SPDYE5: variants seen among roughly 807,000 people sequenced by gnomAD.
The protein encoded by SPDYE5 is speedy protein E5.
Under a neutral mutation model 48.5 loss-of-function variants are expected in SPDYE5, and 15 were observed. That is an observed-to-expected ratio of 0.31 (90% CI 0.21 to 0.48). The LOEUF is 0.48. SPDYE5 is among the 20% of genes least tolerant of loss of function. The pLI is 0.99. For synonymous variants in SPDYE5, 116 were observed against 200.7 expected, an observed-to-expected ratio of 0.58 and a Z score of 3.57; for missense variants, 331 against 549.1, an observed-to-expected ratio of 0.60 and a Z score of 3.97.
In SPDYE5 at chr7:75,496,735, G is replaced by A. The variant is rs1792947462; in HGVS notation, c.441G>A (p.Trp147Ter). Residue 147 changes from tryptophan (W) to a stop codon, truncating the protein, a stop_gained, in exon 4 of 9, where the codon TGG becomes TGA. Coordinates refer to ENST00000625065, the MANE Select transcript of SPDYE5 (RefSeq NM_001306141.4). LOFTEE classifies it high-confidence loss of function. The part of the protein sequence containing the change: ...RSFCWKRKME[W>*]WDESEESLEE... ...TTTGCTGGAAAAGGAAGATGGAGTG[G>A]TGGGACGAATCTGAGGAGTCGTTGG... is the stretch of plus-strand genomic sequence containing the variant. 1 of 1,592,338 alleles carries A rather than the reference G, an allele frequency of 6.3e-7. No homozygotes were observed. Among genetic ancestry groups the A allele is most frequent in the African/African-American group, 1.3e-5 (1 of 74,530 alleles).
intron 5 of SPDYE5, among the ~76,000 whole-genome samples, chr7:75,498,447 G>A (rs1203467381): frequency 6.6e-6 from 1 of 151,442 alleles, no homozygotes; most frequent in Admixed American, 6.6e-5. Context: ...TTGAGTCTTG[G>A]CACCCACAAA....
In SPDYE5 at chr7:75,503,193, G is replaced by A. The variant is rs372092652; in HGVS notation, c.*406G>A. ...TACCACAGTCCAGAAGCATTTGAAG[G>A]CACAATGCAGGGGCTCAGATTGGCA... On this transcript the variant is annotated 3_prime_UTR_variant, in exon 9 of 9. Transcript: ENST00000625065. The A allele has an allele frequency of 4.8e-5, 18 of 371,290 alleles. No homozygotes were observed. Among genetic ancestry groups the A allele is most frequent in the East Asian group, 2.3e-4 (3 of 13,076 alleles). 23.0% of individuals were successfully genotyped at this position (371,290 alleles called of 1,614,324 possible). A position where few individuals can be genotyped will look rare whatever the true frequency, so the allele number is the denominator to read the frequency against.
Position 75,501,438 on chromosome 7 carries a change from C to A in SPDYE5, c.832C>A (p.Arg278Ser). 9 of 1,610,832 alleles carry A rather than the reference C, an allele frequency of 5.6e-6. No individual in the cohort carries two copies. Among genetic ancestry groups the A allele is most frequent in the Non-Finnish European group, 7.6e-6 (9 of 1,178,942 alleles). Residue 278 changes from arginine to serine, a missense_variant, in exon 7 of 9, where the codon CGC (arginine) becomes AGC (serine). Arg to Ser is a moderately radical substitution (Grantham distance 110). This residue lies in a region of SPDYE5 where 70 missense variants were observed against 87.6 expected (regional missense o/e 0.80). Transcript: ENST00000625065. ...NIFHFLYGKN[R>S]SRIPLLRKRW... is the part of the protein sequence containing the mutation. Reference sequence around the variant, plus strand: ...CTTCCACTTCCTGTATGGGAAGAACCGCTCTCGCATACCCTTGCTCCGTAA... The same window carrying A: ...CTTCCACTTCCTGTATGGGAAGAACAGCTCTCGCATACCCTTGCTCCGTAA...
chr7:75,499,505 G>A lies in SPDYE5; in HGVS notation c.755+189G>A, dbSNP rs1287446100. ...ACTCAGGCTGGGCACAGTGGCATAC[G>A]CCTGTAATCCCAGCACTTTGGGAGG... is the stretch of plus-strand genomic sequence containing the variant. On this transcript the variant is annotated intron_variant, in intron 6 of 8. Coordinates refer to ENST00000625065, the MANE Select transcript of SPDYE5 (RefSeq NM_001306141.4). Among the ~76,000 whole-genome samples the A allele has an allele frequency of 2.6e-5, 4 of 151,848 alleles. No individual in the cohort carries two copies. In the South Asian group the frequency reaches 6.2e-4, roughly 24 times the overall value.
At chr7:75,500,862 C>T (rs1242331802) in intron 6 of SPDYE5, among the ~76,000 whole-genome samples, 11 of 151,970 alleles carry the variant, frequency 7.2e-5, no homozygotes, top group African/African-American at 1.9e-4. Flanking sequence ...GGTGTGCCAC[C>T]GCACCAGGCT....
At chr7:75,495,856 A>G (rs1403589814) in intron 3 of SPDYE5, among the ~76,000 whole-genome samples, 2 of 152,080 alleles carry the variant, frequency 1.3e-5, no homozygotes, top group African/African-American at 4.8e-5. Context: ...CCAGACCAAT[A>G]TAGCGAAACC....
intron 2 of SPDYE5, among the ~76,000 whole-genome samples, chr7:75,494,611 G>C (rs1475650627): frequency 2.0e-5 from 3 of 151,796 alleles, no homozygotes; most frequent in Non-Finnish European, 4.4e-5. Flanking sequence ...TTCAGGCTGG[G>C]TGTGGTGGCT....
At chr7:75,500,831 C>T (rs1256355178) in intron 6 of SPDYE5, among the ~76,000 whole-genome samples, 3 of 152,206 alleles carry the variant, frequency 2.0e-5, no homozygotes, top group African/African-American at 7.2e-5. Context: ...GCTTCAGCCT[C>T]CTGAGTAGCT....
chr7:75,492,798 CA>C (rs57180039), intron 1 of SPDYE5, among the ~76,000 whole-genome samples: 11,405 of 151,384 alleles, frequency 0.075, 1,418 homozygotes, highest in African/African-American at 0.26. Context: ...TATTTTTTAT[CA>C]AAAAAAATTT....
Position 75,504,130 on chromosome 7 carries a change from A to G in SPDYE5, c.*1343A>G, listed in dbSNP as rs1315329823. ...AATAAATTTTTATTTGATATTTCAT[A>G]TATGTTTGAAATGTGAGAATTCAGG... On this transcript the variant is annotated 3_prime_UTR_variant, in exon 9 of 9. Coordinates refer to ENST00000625065, the MANE Select transcript of SPDYE5 (RefSeq NM_001306141.4). 4.6e-5 allele frequency: 7 copies of G among 152,150 alleles called. No homozygotes were observed. The highest frequency in any genetic ancestry group is 1.7e-4 in the African/African-American group (7 of 41,438). The allele number at this position is 152,150 out of a possible 1,614,324, so 9.4% of individuals were successfully genotyped here. A position where few individuals can be genotyped will look rare whatever the true frequency, so the allele number is the denominator to read the frequency against.
chr7:75,493,922 C>A lies in SPDYE5; in HGVS notation c.-126C>A. The A allele has an allele frequency of 2.0e-6, 3 of 1,486,732 alleles. No individual in the cohort carries two copies. In the South Asian group the frequency reaches 3.9e-5, roughly 19 times the overall value. 92.1% of individuals were successfully genotyped at this position (1,486,732 alleles called of 1,614,324 possible). A position where few individuals can be genotyped will look rare whatever the true frequency, so the allele number is the denominator to read the frequency against. On this transcript the variant is annotated 5_prime_UTR_variant, in exon 2 of 9. Coordinates refer to ENST00000625065, the MANE Select transcript of SPDYE5 (RefSeq NM_001306141.4). ...CCATCCTGATTGGAGGGACCGGACT[C>A]CGTGGTGCCTGGAGATCAGTTGGAC... is the stretch of plus-strand genomic sequence containing the variant.
At position 75,503,173 on chromosome 7, in the gene SPDYE5, C is replaced by G. The variant is rs1243833221; in HGVS notation, c.*386C>G. On this transcript the variant is annotated 3_prime_UTR_variant, in exon 9 of 9. Transcript: ENST00000625065. ...CTGTTTCTTATGGACTTGGTTACCACAGTCCAGAAGCATTTGAAGGCACAA... is the reference window on the plus strand; with the variant it reads ...CTGTTTCTTATGGACTTGGTTACCAGAGTCCAGAAGCATTTGAAGGCACAA... The G allele has an allele frequency of 2.4e-6, 1 of 411,130 alleles. No individual in the cohort carries two copies. The highest frequency in any genetic ancestry group is 2.1e-5 in the African/African-American group (1 of 48,578). 25.5% of individuals were successfully genotyped at this position (411,130 alleles called of 1,614,324 possible).
At chr7:75,500,999 C>T (rs1449017611) in intron 6 of SPDYE5, among the ~76,000 whole-genome samples, 3 of 152,184 alleles carry the variant, frequency 2.0e-5, no homozygotes, top group Admixed American at 6.5e-5. Flanking sequence ...TGAGCCACCG[C>T]GTCTGGCATA....
rs1198441291 is a variant in SPDYE5 at position 75,503,097 on chromosome 7, C to A, written c.*310C>A. ...TCCACCCTTTCCTGCAGCACCACCA[C>A]CCTTTCTATATTGCTGAATTCCAAC... On this transcript the variant is annotated 3_prime_UTR_variant, in exon 9 of 9. Transcript: ENST00000625065. 1.2e-4 allele frequency: 60 copies of A among 521,616 alleles called. No individual in the cohort carries two copies. In the Admixed American group the frequency reaches 1.3e-3, roughly 12 times the overall value. 32.3% of individuals were successfully genotyped at this position (521,616 alleles called of 1,614,324 possible).
At chr7:75,494,421 C>G (rs868915456) in intron 2 of SPDYE5, among the ~76,000 whole-genome samples, 1 of 150,486 alleles carries the variant, frequency 6.6e-6, no homozygotes, top group African/African-American at 2.5e-5. Context: ...GTGGTGCACA[C>G]CTGTAATCCC....
intron 3 of SPDYE5, 93 bp downstream of exon 3, chr7:75,495,467 C>T (rs1211451992): frequency 5.1e-6 from 8 of 1,561,008 alleles, no homozygotes; most frequent in Non-Finnish European, 6.9e-6. Flanking sequence ...GAAAGATACG[C>T]CCCCCGTGGG....
chr7:75,496,034 A>AAGAAG (rs1554482476), intron 3 of SPDYE5, among the ~76,000 whole-genome samples: 30 of 147,832 alleles, frequency 2.0e-4, no homozygotes, highest in Non-Finnish European at 4.2e-4. Context: ...AAAAAAAAAA[A>AAGAAG]GAAGGAAGGA....
At position 75,496,791 on chromosome 7, in the gene SPDYE5, AG is replaced by A; in HGVS notation, c.498del (p.Glu166AspfsTer16). On this transcript the variant is annotated frameshift_variant, in exon 4 of 9. Coordinates refer to ENST00000625065, the MANE Select transcript of SPDYE5 (RefSeq NM_001306141.4). LOFTEE classifies it high-confidence loss of function. ...GAGCCACGGAAGGTGCTCGCCCCTGAGCCTGAGGAGATCTGGGTGGCGGAGA... is the reference window on the plus strand; with the variant it reads ...GAGCCACGGAAGGTGCTCGCCCCTGACCTGAGGAGATCTGGGTGGCGGAGA... ...EEEPRKVLAPEPEEIWVAEML... is the reference protein window; with the variant it reads ...EEEPRKVLAPXPEEIWVAEML... 1 of 1,552,494 alleles carries A rather than the reference AG, an allele frequency of 6.4e-7. No individual in the cohort carries two copies. Among genetic ancestry groups the A allele is most frequent in the African/African-American group, 1.4e-5 (1 of 70,684 alleles).
rs1365795939 is a variant in SPDYE5, at chr7:75,503,642, T to C, written c.*855T>C. 11 of 150,984 alleles carry C rather than the reference T, an allele frequency of 7.3e-5. 1 individual carries two copies. The highest frequency in any genetic ancestry group is 1.2e-4 in the Non-Finnish European group (8 of 67,666). 9.4% of individuals were successfully genotyped at this position (150,984 alleles called of 1,614,324 possible). ...AGAAATTTTTATTTGCTGTTTAGGT[T>C]TGTGACTGAATTGTGAGAATTCAGT... On this transcript the variant is annotated 3_prime_UTR_variant, in exon 9 of 9. Transcript: ENST00000625065.
Sources: gnomAD v4.1 joint callset for allele counts (sites outside exome capture counted in the v4.1 genomes callset) on GRCh38, gnomAD v4.1.1 for gene constraint, gnomAD v4.1.1 regional missense constraint, MANE v1.5 for transcripts, NCBI Gene and HGNC (gene_info 2026-07-23, HGNC 2026-07-21) for gene names.